Variants in AKAP8 observed in about 807,000 individuals in gnomAD.
The protein encoded by AKAP8 is A-kinase anchoring protein 8.
Under a neutral mutation model 67.5 loss-of-function variants are expected in AKAP8, and 24 were observed. The ratio of observed to expected loss-of-function variants is 0.36; its 90% CI spans 0.26 to 0.50. AKAP8 has a LOEUF of 0.50. Among genes scored for constraint, AKAP8 ranks in the 20% least tolerant of loss-of-function variants. The pLI is 0.97. For synonymous variants in AKAP8, 400 were observed against 371.1 expected (o/e 1.08, Z -0.90); for missense variants, 971 against 955.9 (o/e 1.02, Z -0.21).
intron 1 of AKAP8, among the ~76,000 whole-genome samples, chr19:15,378,858 G>C (rs1213982133): frequency 6.6e-6 from 1 of 152,182 alleles, no homozygotes; most frequent in Non-Finnish European, 1.5e-5. Context: ...CCCTACTGCA[G>C]GCCAAGCGCT....
At chr19:15,364,640 C>T (rs1057149893) in intron 9 of AKAP8, among the ~76,000 whole-genome samples, 3 of 152,170 alleles carry the variant, frequency 2.0e-5, no homozygotes, top group South Asian at 2.1e-4. Context: ...TGAGCCACCG[C>T]GCCCAGCCTA....
At chr19:15,376,431 C>A (rs775868620) in intron 2 of AKAP8, among the ~76,000 whole-genome samples, 1 of 151,730 alleles carries the variant, frequency 6.6e-6, no homozygotes, top group Non-Finnish European at 1.5e-5. Context: ...TGCAGTAAGC[C>A]GAGATCACAC....
chr19:15,359,171 C>T (rs1056662046), intron 12 of AKAP8, 109 bp from the exon 13 acceptor site: 10 of 979,956 alleles, frequency 1.0e-5, no homozygotes, highest in Middle Eastern at 2.1e-4. Context: ...TGCAGAGAAG[C>T]GAATCTCAAA....
At position 15,373,398 on chromosome 19, in the gene AKAP8, C is replaced by A. The variant is rs1967196987; in HGVS notation, c.372-58G>T. 5 of 1,538,176 alleles carry A rather than the reference C, an allele frequency of 3.3e-6. No homozygotes were observed. In the South Asian group the frequency reaches 5.1e-5, roughly 16 times the overall value. ...CACCCCGATCACCCACTGCCACACT[C>A]CCTCAGTATAACCTCGACGCCCCTA... On this transcript the variant is annotated intron_variant, in intron 4 of 13. Transcript: ENST00000269701.
At chr19:15,362,712 C>A in intron 9 of AKAP8, among the ~76,000 whole-genome samples, 1 of 151,470 alleles carries the variant, frequency 6.6e-6, no homozygotes, top group Admixed American at 6.6e-5. Flanking sequence ...TCGCTACAAC[C>A]TCCACCTCCC....
intron 13 of AKAP8, among the ~76,000 whole-genome samples, chr19:15,356,359 C>G (rs1443933436): frequency 6.6e-6 from 1 of 152,058 alleles, no homozygotes; most frequent in Non-Finnish European, 1.5e-5. Context: ...AAGTCGAGAT[C>G]ACGCCACTGA....
rs1242658070 is a variant in AKAP8, at chr19:15,373,018, C to T, written c.694G>A (p.Gly232Arg). 1.3e-6 allele frequency: 2 copies of T among 1,579,184 alleles called. No homozygotes were observed. Among genetic ancestry groups the T allele is most frequent in the Non-Finnish European group, 1.7e-6 (2 of 1,159,828 alleles). ...TPWNELNYVG[G>R]RGLGGPSPSR... Reference sequence around the variant, plus strand: ...GGGGAGGGCCCTCCCAGGCCCCGTCCACCCACGTAGTTCAGCTCGTTCCAG... The same window carrying T: ...GGGGAGGGCCCTCCCAGGCCCCGTCTACCCACGTAGTTCAGCTCGTTCCAG... Residue 232 changes from glycine (G) to arginine (R), a missense_variant, in exon 5 of 14, where the codon GGA (glycine) becomes AGA (arginine). Physicochemically the swap from Gly to Arg is moderately radical, Grantham distance 125. Around this residue, in one of 3 missense-constraint regions of AKAP8, gnomAD observed 763 missense variants for 745.4 expected, o/e 1.02. Coordinates refer to ENST00000269701, the MANE Select transcript of AKAP8 (RefSeq NM_005858.4).
In AKAP8 at chr19:15,354,957, T is replaced by C. The variant is rs1568421960; in HGVS notation, c.2037A>G (p.Glu679=). The change falls in exon 14 of 14, where the codon GAA becomes GAG. Residue 679 remains glutamate (E), a synonymous_variant. Coordinates refer to ENST00000269701, the MANE Select transcript of AKAP8 (RefSeq NM_005858.4). ...PAPAAADAEV[E]QTDAESKDAV... ...CGTCTTTAGACTCTGCATCAGTTTG[T>C]TCCACTTCAGCATCCGCGGCAGCTG... 3 of 1,614,184 alleles carry C rather than the reference T, an allele frequency of 1.9e-6. No homozygotes were observed. In the Middle Eastern group the frequency reaches 4.9e-4, roughly 266 times the overall value.
intron 2 of AKAP8, among the ~76,000 whole-genome samples, chr19:15,374,841 C>CGGGCAAGGCCAACCGTCCGTCA (rs1568254543): frequency 6.6e-6 from 1 of 152,194 alleles, no homozygotes; most frequent in Non-Finnish European, 1.5e-5. Context: ...CCCTCTATCC[C>CGGGCAAGGCCAACCGTCCGTCA]GGGCAAGGCC....
At chr19:15,368,174 C>T (rs759703840) in intron 9 of AKAP8, 61 bp downstream of exon 9, 353 of 1,594,656 alleles carry the variant, frequency 2.2e-4, no homozygotes, top group Non-Finnish European at 2.7e-4. Context: ...CAGGTGAGCT[C>T]GGCAGCGCCT....
intron 12 of AKAP8, 105 bp from the exon 13 acceptor site, chr19:15,359,167 G>T: frequency 2.0e-6 from 2 of 1,012,722 alleles, no homozygotes; most frequent in Non-Finnish European, 3.0e-6. Flanking sequence ...CCTATGCAGA[G>T]AAGCGAATCT....
chr19:15,354,965 C>G lies in AKAP8; in HGVS notation c.2029G>C (p.Glu677Gln). The G allele has an allele frequency of 6.2e-7, 1 of 1,614,218 alleles. No homozygotes were observed. Residue 677 changes from glutamate (E) to glutamine (Q), a missense_variant, in exon 14 of 14, where the codon GAA becomes CAA. Coordinates refer to ENST00000269701, the MANE Select transcript of AKAP8 (RefSeq NM_005858.4). ...GACTCTGCATCAGTTTGTTCCACTT[C>G]AGCATCCGCGGCAGCTGGGGCAGGA... ...VAPAPAAADA[E>Q]VEQTDAESKD...
At chr19:15,362,823 T>A (rs1341353307) in intron 9 of AKAP8, among the ~76,000 whole-genome samples, 1 of 149,860 alleles carries the variant, frequency 6.7e-6, no homozygotes, top group East Asian at 2.1e-4. Flanking sequence ...CCGCCCATCG[T>A]CTGGGATGTG....
chr19:15,375,937 CTTTT>C (rs1020482101), intron 2 of AKAP8, among the ~76,000 whole-genome samples: 31 of 144,070 alleles, frequency 2.2e-4, no homozygotes, highest in Non-Finnish European at 4.6e-5. Flanking sequence ...CGTGCCTGGC[CTTTT>C]TTTTTTTGAG....
chr19:15,366,148 CA>C (rs1419505135), intron 9 of AKAP8, among the ~76,000 whole-genome samples: 3 of 18,754 alleles, frequency 1.6e-4, no homozygotes, highest in Non-Finnish European at 2.8e-4. Context: ...GAAAAAAAAG[CA>C]AAAAGAAAAA....
chr19:15,377,115 C>T (rs1279332180), intron 1 of AKAP8, 101 bp from the exon 2 acceptor site: 2 of 1,382,814 alleles, frequency 1.4e-6, no homozygotes, highest in Admixed American at 2.1e-5. Context: ...TCAGTGCCAG[C>T]CTTAGAAGAA....
chr19:15,372,870 C>T lies in AKAP8; in HGVS notation c.842G>A (p.Arg281Gln), dbSNP rs769057727. ...GCTTACCCGATCCCGATCCCGCATC[C>T]GAGGCTGCGAGCGGCCACATCCGTA... ...MPYGCGRSQP[R>Q]MRDRDRPKRR... The change falls in exon 5 of 14, where the codon CGG (arginine) becomes CAG (glutamine). Residue 281 changes from arginine to glutamine, a missense_variant. Arg to Gln is a conservative substitution (Grantham distance 43, BLOSUM62 1). This residue lies in a region of AKAP8 where 763 missense variants were observed against 745.4 expected (regional missense o/e 1.02). Coordinates refer to ENST00000269701, the MANE Select transcript of AKAP8 (RefSeq NM_005858.4). 8.0e-6 allele frequency: 12 copies of T among 1,500,938 alleles called. No individual in the cohort carries two copies. The African/African-American group carries it at 8.4e-5, about 11-fold the overall frequency. The allele number at this position is 1,500,938 out of a possible 1,614,324, so 93.0% of individuals were successfully genotyped here.
At chr19:15,378,986 G>A (rs1320676572) in intron 1 of AKAP8, 3 of 153,584 alleles carry the variant, frequency 2.0e-5, no homozygotes, top group Admixed American at 6.5e-5. Flanking sequence ...GGCACATCAG[G>A]TTTCCAGCTT....
chr19:15,363,353 TGG>T (rs745575610), intron 9 of AKAP8, among the ~76,000 whole-genome samples: 4 of 105,010 alleles, frequency 3.8e-5, no homozygotes, highest in Admixed American at 2.7e-4. Flanking sequence ...GGGAGGGAGG[TGG>T]GGGGGGGTCA....
Sources: allele counts gnomAD v4.1 joint callset (sites outside exome capture counted in the v4.1 genomes callset), GRCh38; gene constraint gnomAD v4.1.1; regional missense constraint gnomAD v4.1.1; transcripts MANE v1.5; gene names NCBI Gene and HGNC (gene_info 2026-07-23, HGNC 2026-07-21).